The following GOLPH3L variants were observed in gnomAD, a reference collection of about 807,000 sequenced individuals.
The protein encoded by GOLPH3L is golgi phosphoprotein 3 like, also known as Golgi phosphoprotein 3-like.
In GOLPH3L, 22 loss-of-function variants were observed where a neutral mutation model predicts 30.3. That is an observed-to-expected ratio of 0.73 (90% CI 0.52 to 1.04). GOLPH3L has a LOEUF of 1.04. GOLPH3L is among the 50% of genes least tolerant of loss of function. The pLI, the probability that GOLPH3L is intolerant of heterozygous loss-of-function variation, is 0.00. For synonymous variants in GOLPH3L, 120 were observed against 128.2 expected (o/e 0.94, Z 0.43); for missense variants, 303 against 345.8 (o/e 0.88, Z 0.98).
Position 150,690,821 on chromosome 1 carries a change from C to A in GOLPH3L, c.183+3835G>T, listed in dbSNP as rs587656461. ...TGTTTTACTGCCTTTTTCTATTCTT[C>A]CCCGGATTACTCTATCTCATGATGG... On this transcript the variant is annotated intron_variant, in intron 2 of 4. Coordinates refer to ENST00000271732, the MANE Select transcript of GOLPH3L (RefSeq NM_018178.6). Among the ~76,000 whole-genome samples the A allele has an allele frequency of 1.4e-4, 21 of 152,230 alleles. 1 individual carries two copies. The highest frequency in any genetic ancestry group is 1.4e-3 in the Admixed American group (21 of 15,282).
chr1:150,648,115 T>C lies in GOLPH3L; in HGVS notation c.*206A>G, dbSNP rs745749674. ...TGGCTTCACCCAGTTTATTTACCTA[T>C]GGAGTGGAAGTGTAGGGAGAAATAA... On this transcript the variant is annotated 3_prime_UTR_variant, in exon 5 of 5. Coordinates refer to ENST00000271732, the MANE Select transcript of GOLPH3L (RefSeq NM_018178.6). 518 of 483,992 alleles carry C rather than the reference T, an allele frequency of 1.1e-3. No homozygotes were observed. Among genetic ancestry groups the C allele is most frequent in the Non-Finnish European group, 1.7e-3 (463 of 275,266 alleles). The allele number at this position is 483,992 out of a possible 1,614,324, so 30.0% of individuals were successfully genotyped here.
At chr1:150,658,581 A>G (rs2175616) in intron 4 of GOLPH3L, among the ~76,000 whole-genome samples, 57,346 of 152,090 alleles carry the variant, frequency 0.38, 11,088 homozygotes, top group South Asian at 0.54. Flanking sequence ...GTTTAGGAAG[A>G]TTGCATTGCA....
At chr1:150,661,297 A>G (rs1359122399) in intron 4 of GOLPH3L, among the ~76,000 whole-genome samples, 1 of 152,216 alleles carries the variant, frequency 6.6e-6, no homozygotes, top group Non-Finnish European at 1.5e-5. Flanking sequence ...GTTGATTTAC[A>G]TATGACCCAG....
chr1:150,691,483 T>C (rs1195924437), intron 2 of GOLPH3L, among the ~76,000 whole-genome samples: 1 of 152,002 alleles, frequency 6.6e-6, no homozygotes, highest in Non-Finnish European at 1.5e-5. Flanking sequence ...GCCACTATAC[T>C]CCAACCTGGG....
intron 2 of GOLPH3L, among the ~76,000 whole-genome samples, chr1:150,693,054 TA>T (rs1393450007): frequency 6.6e-6 from 1 of 152,228 alleles, no homozygotes; most frequent in African/African-American, 2.4e-5. Flanking sequence ...ATTTGCCTTT[TA>T]TAAAACTGAA....
At chr1:150,668,507 C>G (rs920450489) in intron 2 of GOLPH3L, among the ~76,000 whole-genome samples, 1 of 152,164 alleles carries the variant, frequency 6.6e-6, no homozygotes, top group African/African-American at 2.4e-5. Context: ...CTCAGCCTCC[C>G]AAGTAGTTGG....
chr1:150,691,515 T>TAAAAAC (rs3059574), intron 2 of GOLPH3L, among the ~76,000 whole-genome samples: 25,488 of 151,202 alleles, frequency 0.17, 2,646 homozygotes, highest in East Asian at 0.26. Flanking sequence ...GACTCTGTCT[T>TAAAAAC]AAAAACAAAA....
At chr1:150,663,135 C>T (rs914620327) in intron 3 of GOLPH3L, among the ~76,000 whole-genome samples, 2 of 151,778 alleles carry the variant, frequency 1.3e-5, no homozygotes, top group African/African-American at 2.4e-5. Context: ...TCCGGGTTCA[C>T]GCCATTCTCC....
chr1:150,652,412 T>TA (rs1299410532), intron 4 of GOLPH3L, among the ~76,000 whole-genome samples: 6 of 71,288 alleles, frequency 8.4e-5, no homozygotes, highest in African/African-American at 1.6e-4. Flanking sequence ...AAAAAAACCC[T>TA]AAAAAAAACA....
At chr1:150,673,013 C>G (rs1369980829) in intron 2 of GOLPH3L, among the ~76,000 whole-genome samples, 1 of 150,156 alleles carries the variant, frequency 6.7e-6, no homozygotes, top group Non-Finnish European at 1.5e-5. Flanking sequence ...TTTTCCTTAT[C>G]AAAAGTTTAG....
rs77675671 is a variant in GOLPH3L at position 150,696,593 on chromosome 1, T to C, written c.-13+399A>G. Among the ~76,000 whole-genome samples the C allele has an allele frequency of 2.6e-5, 4 of 152,230 alleles. No homozygotes were observed. In the East Asian group the frequency reaches 7.7e-4, roughly 29 times the overall value. On this transcript the variant is annotated intron_variant, in intron 1 of 4. Transcript: ENST00000271732. ...TGCATGTGAACATTTAAAATAGAAA[T>C]ACAAATGAAGTGAGCTACAAAAGTT...
intron 2 of GOLPH3L, among the ~76,000 whole-genome samples, chr1:150,685,384 A>T (rs1651057134): frequency 6.6e-6 from 1 of 152,220 alleles, no homozygotes; most frequent in Non-Finnish European, 1.5e-5. Context: ...GTGAAACATA[A>T]TAATCTTTTA....
chr1:150,682,623 CAAAAAAA>C (rs145118551), intron 2 of GOLPH3L, among the ~76,000 whole-genome samples: 19 of 50,314 alleles, frequency 3.8e-4, no homozygotes, highest in Middle Eastern at 0.018. Context: ...GACTCTTTCT[CAAAAAAA>C]AAAAAAAAAA....
chr1:150,675,184 A>G (rs774172827), intron 2 of GOLPH3L, among the ~76,000 whole-genome samples: 15 of 152,216 alleles, frequency 9.9e-5, no homozygotes, highest in African/African-American at 1.9e-4. Context: ...CTGGCTTCCA[A>G]TGATTTAAAA....
At chr1:150,667,023 C>G (rs1162770898) in intron 2 of GOLPH3L, among the ~76,000 whole-genome samples, 2 of 152,014 alleles carry the variant, frequency 1.3e-5, no homozygotes, top group Non-Finnish European at 2.9e-5. Context: ...CTGTTTCTGC[C>G]GAGAGCCAAG....
Position 150,646,500 on chromosome 1 carries a change from G to A in GOLPH3L, c.*1821C>T, listed in dbSNP as rs1479882986. ...CTAAATCAGTTAGAGACAACACATG[G>A]ACTGGCTTTTGTCCTATTAGAGAGC... On this transcript the variant is annotated 3_prime_UTR_variant, in exon 5 of 5. Transcript: ENST00000271732. 1 of 152,124 alleles carries A rather than the reference G, an allele frequency of 6.6e-6. No individual in the cohort carries two copies. Among genetic ancestry groups the A allele is most frequent in the African/African-American group, 2.4e-5 (1 of 41,420 alleles). 9.4% of individuals were successfully genotyped at this position (152,124 alleles called of 1,614,324 possible).
chr1:150,663,597 C>T (rs1650423173), intron 3 of GOLPH3L, 35 bp downstream of exon 3: 1 of 1,570,868 alleles, frequency 6.4e-7, no homozygotes, highest in Non-Finnish European at 8.7e-7. Flanking sequence ...ATTTGCCTTT[C>T]CATAAGCCAT....
chr1:150,668,536 C>G (rs1422695485), intron 2 of GOLPH3L, among the ~76,000 whole-genome samples: 1 of 152,162 alleles, frequency 6.6e-6, no homozygotes, highest in Non-Finnish European at 1.5e-5. Flanking sequence ...GCGCGTGCCA[C>G]CACACCCAGC....
At chr1:150,686,045 T>C (rs1651079666) in intron 2 of GOLPH3L, among the ~76,000 whole-genome samples, 3 of 151,886 alleles carry the variant, frequency 2.0e-5, no homozygotes, top group Non-Finnish European at 2.9e-5. Flanking sequence ...CGGCTAATTT[T>C]TGTATTTTTA....
Sources: gnomAD v4.1 joint callset for allele counts (sites outside exome capture counted in the v4.1 genomes callset) on GRCh38, gnomAD v4.1.1 for gene constraint, MANE v1.5 for transcripts, NCBI Gene and HGNC (gene_info 2026-07-23, HGNC 2026-07-21) for gene names.